FANK1: variants seen among roughly 807,000 people sequenced by gnomAD.
The protein encoded by FANK1 is fibronectin type III and ankyrin repeat domains 1.
FANK1 carries 44 observed loss-of-function variants against 45.3 expected under a neutral mutation model. That is an observed-to-expected ratio of 0.97 (90% CI 0.76 to 1.25). The LOEUF is 1.25. Among genes scored for constraint, FANK1 ranks in the 50% most tolerant of loss-of-function variants. The pLI is 0.00. For missense variants in FANK1, 391 were observed against 424.4 expected (o/e 0.92, Z 0.69); for synonymous variants, 149 against 152.5 (o/e 0.98, Z 0.17).
intron 6 of FANK1, chr10:126,004,157 C>T (rs1952991905): frequency 1.1e-5 from 1 of 93,802 alleles, no homozygotes; most frequent in African/African-American, 3.5e-5. Flanking sequence ...TACATTTTAT[C>T]CTTAAAAAAA....
intron 2 of FANK1, among the ~76,000 whole-genome samples, chr10:125,985,629 A>T (rs766109318): frequency 6.6e-6 from 1 of 152,180 alleles, no homozygotes; most frequent in African/African-American, 2.4e-5. Flanking sequence ...TTGTTGATAC[A>T]TACTATCTCA....
chr10:125,999,705 C>T (rs1473781160), intron 6 of FANK1, among the ~76,000 whole-genome samples: 2 of 152,154 alleles, frequency 1.3e-5, no homozygotes, highest in Non-Finnish European at 2.9e-5. Context: ...TACCTAACCT[C>T]TCCGTATCTC....
intron 1 of FANK1, among the ~76,000 whole-genome samples, chr10:125,956,204 G>GC (rs947206008): frequency 4.1e-5 from 6 of 146,302 alleles, no homozygotes; most frequent in African/African-American, 1.5e-4. Flanking sequence ...ACATTTTTTG[G>GC]GGGGGGGGCG....
intron 3 of FANK1, among the ~76,000 whole-genome samples, chr10:125,992,441 C>T (rs1465464120): frequency 2.6e-5 from 4 of 152,094 alleles, no homozygotes; most frequent in Admixed American, 1.3e-4. Context: ...CACCCTGGAA[C>T]GATGGTTACT....
intron 1 of FANK1, among the ~76,000 whole-genome samples, chr10:125,940,345 C>T (rs947937602): frequency 7.9e-5 from 12 of 151,984 alleles, no homozygotes; most frequent in Admixed American, 2.0e-4. Flanking sequence ...AAACATGTGA[C>T]CAAAGGAACT....
intron 1 of FANK1, among the ~76,000 whole-genome samples, chr10:125,936,631 AC>A (rs1948116653): frequency 6.6e-6 from 1 of 152,140 alleles, no homozygotes; most frequent in African/African-American, 2.4e-5. Context: ...ATTTTCCCCA[AC>A]ATTATGTTTG....
intron 1 of FANK1, among the ~76,000 whole-genome samples, chr10:125,935,029 A>G (rs1452597390): frequency 2.0e-5 from 3 of 151,984 alleles, no homozygotes; most frequent in African/African-American, 4.8e-5. Context: ...GCATGCCCCA[A>G]TCTCTTCTGC....
At chr10:125,957,078 A>G (rs1409100888) in intron 1 of FANK1, among the ~76,000 whole-genome samples, 2 of 152,126 alleles carry the variant, frequency 1.3e-5, no homozygotes, top group Admixed American at 6.5e-5. Context: ...GATGGTCACG[A>G]TCTCCTGACC....
chr10:125,935,647 T>C (rs913950628), intron 1 of FANK1, among the ~76,000 whole-genome samples: 5 of 152,186 alleles, frequency 3.3e-5, no homozygotes, highest in African/African-American at 1.2e-4. Context: ...TAATTAAAAA[T>C]ATAAAAAGCT....
At chr10:125,985,308 C>T (rs11244750) in intron 2 of FANK1, among the ~76,000 whole-genome samples, 36,093 of 152,140 alleles carry the variant, frequency 0.24, 5,188 homozygotes, top group Non-Finnish European at 0.32. Context: ...AGATGCCACA[C>T]ATTATTGAGG....
intron 1 of FANK1, among the ~76,000 whole-genome samples, chr10:125,918,604 ATATAGT>A (rs1946682486): frequency 7.8e-6 from 1 of 128,020 alleles, no homozygotes; most frequent in African/African-American, 2.9e-5. Context: ...ATATATATAT[ATATAGT>A]TATATATACT....
At chr10:125,980,461 T>G (rs749163747) in intron 2 of FANK1, 123 bp downstream of exon 2, 8 of 1,130,420 alleles carry the variant, frequency 7.1e-6, no homozygotes, top group Non-Finnish European at 9.9e-6. Flanking sequence ...ATCATTTGTA[T>G]TCATGCTCTT....
chr10:125,991,250 G>GGTGTGTGT (rs113257579), intron 3 of FANK1, among the ~76,000 whole-genome samples: 82 of 146,000 alleles, frequency 5.6e-4, no homozygotes, highest in Middle Eastern at 3.4e-3. Context: ...GGTGACCAGG[G>GGTGTGTGT]GTGTGTGTGT....
chr10:126,007,695 G>A (rs1209886585), intron 7 of FANK1, among the ~76,000 whole-genome samples: 14 of 151,326 alleles, frequency 9.3e-5, no homozygotes, highest in Non-Finnish European at 1.9e-4. Context: ...GTGCACACAC[G>A]AGTGTGTGTG....
chr10:125,996,828 CAT>C (rs1352773644), intron 5 of FANK1, among the ~76,000 whole-genome samples: 2 of 151,950 alleles, frequency 1.3e-5, no homozygotes, highest in Non-Finnish European at 2.9e-5. Context: ...GAATGTAAAT[CAT>C]GTGTTGAGGA....
At chr10:125,938,329 AG>A (rs1948232935) in intron 1 of FANK1, among the ~76,000 whole-genome samples, 1 of 152,234 alleles carries the variant, frequency 6.6e-6, no homozygotes, top group Non-Finnish European at 1.5e-5. Context: ...TGAAAAGTCT[AG>A]AAACAATGAT....
intron 1 of FANK1, among the ~76,000 whole-genome samples, chr10:125,956,202 TG>T (rs71486556): frequency 2.2e-4 from 16 of 72,504 alleles, no homozygotes; most frequent in East Asian, 1.4e-3. Context: ...ATACATTTTT[TG>T]GGGGGGGGGC....
intron 1 of FANK1, among the ~76,000 whole-genome samples, chr10:125,954,227 T>C (rs1486258516): frequency 7.1e-6 from 1 of 141,286 alleles, no homozygotes; most frequent in Non-Finnish European, 1.6e-5. Context: ...GTAGCAGATG[T>C]GGGCTCTGTA....
At chr10:125,907,503 G>A (rs1220205492) in intron 1 of FANK1, 23 of 985,182 alleles carry the variant, frequency 2.3e-5, no homozygotes, top group African/African-American at 7.0e-5. Flanking sequence ...TCGAGTGAAC[G>A]TGAGTAGGAT....
Sources: gnomAD v4.1 joint callset for allele counts (sites outside exome capture counted in the v4.1 genomes callset) on GRCh38, gnomAD v4.1.1 for gene constraint, MANE v1.5 for transcripts, NCBI Gene and HGNC (gene_info 2026-07-23, HGNC 2026-07-21) for gene names.